Variants in ADAMTS19 observed in about 807,000 individuals in gnomAD.
ADAMTS19 encodes the protein ADAM metallopeptidase with thrombospondin type 1 motif 19.
In ADAMTS19, 93 loss-of-function variants were observed where a neutral mutation model predicts 153.3. The observed-to-expected ratio is 0.61, with a 90% CI of 0.51 to 0.72. The LOEUF is 0.72. ADAMTS19 is among the 30% of genes least tolerant of loss of function. The pLI is 0.00. For missense variants in ADAMTS19, 1,482 were observed against 1,552.1 expected (o/e 0.95, Z 0.76); for synonymous variants, 600 against 556.6 (o/e 1.08, Z -1.10).
At chr5:129,652,107 C>T (rs1242734456) in intron 13 of ADAMTS19, among the ~76,000 whole-genome samples, 1 of 152,152 alleles carries the variant, frequency 6.6e-6, no homozygotes, top group Admixed American at 6.5e-5. Flanking sequence ...GAACTTCTGA[C>T]TCTTACAAAG....
At chr5:129,491,468 G>C (rs939552016) in intron 2 of ADAMTS19, among the ~76,000 whole-genome samples, 2 of 152,052 alleles carry the variant, frequency 1.3e-5, no homozygotes, top group Non-Finnish European at 2.9e-5. Flanking sequence ...TATTGGTCAG[G>C]TTGACCATCT....
chr5:129,691,390 A>T (rs1271241954), intron 18 of ADAMTS19, among the ~76,000 whole-genome samples: 1 of 152,208 alleles, frequency 6.6e-6, no homozygotes, highest in Non-Finnish European at 1.5e-5. Context: ...GTCATAATTC[A>T]GGCAGAAGGT....
At chr5:129,566,824 T>C (rs1456940123) in intron 7 of ADAMTS19, among the ~76,000 whole-genome samples, 2 of 152,116 alleles carry the variant, frequency 1.3e-5, no homozygotes. Context: ...TGGATAAATC[T>C]TCCTCTCTGA....
At chr5:129,516,557 C>A (rs947467306) in intron 3 of ADAMTS19, among the ~76,000 whole-genome samples, 4 of 151,740 alleles carry the variant, frequency 2.6e-5, no homozygotes, top group Admixed American at 6.6e-5. Flanking sequence ...TTGTCCATTT[C>A]TTCTACATTT....
chr5:129,715,159 G>T (rs1756668796), intron 21 of ADAMTS19, among the ~76,000 whole-genome samples: 1 of 152,038 alleles, frequency 6.6e-6, no homozygotes, highest in Admixed American at 6.5e-5. Flanking sequence ...TACATTGAGG[G>T]AAATGAATTT....
At chr5:129,464,370 T>C (rs1249289591) in intron 2 of ADAMTS19, among the ~76,000 whole-genome samples, 2 of 152,182 alleles carry the variant, frequency 1.3e-5, no homozygotes, top group African/African-American at 4.8e-5. Context: ...TGGTGAATCA[T>C]TTATAAATGC....
At chr5:129,592,550 C>G (rs1306153910) in intron 7 of ADAMTS19, among the ~76,000 whole-genome samples, 3 of 152,052 alleles carry the variant, frequency 2.0e-5, no homozygotes, top group Non-Finnish European at 4.4e-5. Context: ...AAATCATTTA[C>G]ATTAGTCGTG....
intron 10 of ADAMTS19, among the ~76,000 whole-genome samples, chr5:129,639,944 A>G (rs1263381822): frequency 6.6e-6 from 1 of 152,152 alleles, no homozygotes; most frequent in African/African-American, 2.4e-5. Flanking sequence ...AAAACAATTG[A>G]ACTCTTTGCC....
intron 20 of ADAMTS19, 93 bp downstream of exon 20, chr5:129,701,685 T>C (rs976470359): frequency 2.2e-6 from 3 of 1,352,752 alleles, no homozygotes; most frequent in Non-Finnish European, 3.0e-6. Context: ...TGCATTGAAG[T>C]TGATATTTTT....
intron 6 of ADAMTS19, among the ~76,000 whole-genome samples, chr5:129,535,999 T>G (rs1318070906): frequency 6.6e-6 from 1 of 152,160 alleles, no homozygotes; most frequent in East Asian, 1.9e-4. Context: ...GACACAGGCA[T>G]GGGCAAGGAC....
intron 8 of ADAMTS19, among the ~76,000 whole-genome samples, chr5:129,609,911 G>A (rs1233288966): frequency 4.6e-5 from 7 of 152,240 alleles, no homozygotes; most frequent in African/African-American, 1.7e-4. Context: ...GTTTCTCTGT[G>A]TTGGCAAGAG....
At chr5:129,576,163 A>C (rs1754093999) in intron 7 of ADAMTS19, among the ~76,000 whole-genome samples, 1 of 152,014 alleles carries the variant, frequency 6.6e-6, no homozygotes, top group African/African-American at 2.4e-5. Flanking sequence ...TTACTATGAC[A>C]TCCTTCTCAT....
chr5:129,590,931 C>T (rs1750103344), intron 7 of ADAMTS19, among the ~76,000 whole-genome samples: 1 of 152,202 alleles, frequency 6.6e-6, no homozygotes, highest in Non-Finnish European at 1.5e-5. Context: ...GACAATTTCA[C>T]CTGTGCAGTT....
Position 129,622,372 on chromosome 5 carries a change from G to C in ADAMTS19, c.1770+24G>C, listed in dbSNP as rs367681328. On this transcript the variant is annotated intron_variant, in intron 10 of 22. Transcript: ENST00000274487. ...AGGTAAAGATCCAGGTGGGGATTTT[G>C]TGCGTTCATTCATTGTTTAGAAGTA... 1.9e-6 allele frequency: 3 copies of C among 1,613,306 alleles called. No homozygotes were observed. The African/African-American group carries it at 4.0e-5, about 22-fold the overall frequency.
intron 3 of ADAMTS19, among the ~76,000 whole-genome samples, chr5:129,512,888 G>A (rs1751485832): frequency 6.6e-6 from 1 of 151,800 alleles, no homozygotes; most frequent in Non-Finnish European, 1.5e-5. Context: ...CTGAATACAG[G>A]CATTTCTCAG....
At chr5:129,481,775 C>T (rs951650127) in intron 2 of ADAMTS19, among the ~76,000 whole-genome samples, 4 of 152,120 alleles carry the variant, frequency 2.6e-5, no homozygotes, top group African/African-American at 9.7e-5. Flanking sequence ...CCAAAGGTGA[C>T]TTCAGATAGC....
Position 129,580,792 on chromosome 5 carries a change from C to T in ADAMTS19, c.1373-15767C>T, listed in dbSNP as rs956188647. Among the ~76,000 whole-genome samples, 95 of 152,226 alleles carry T rather than the reference C, an allele frequency of 6.2e-4. 1 individual carries two copies. The South Asian group carries it at 0.018, about 30-fold the overall frequency. On this transcript the variant is annotated intron_variant, in intron 7 of 22. Coordinates refer to ENST00000274487, the MANE Select transcript of ADAMTS19 (RefSeq NM_133638.6). ...ATCCCAGGGGTGAAGCTGACTTGAT[C>T]GTGGTGGGTAAGCTTTTTGATGTGC...
Position 129,461,094 on chromosome 5 carries a change from G to T in ADAMTS19, c.92-8G>T, listed in dbSNP as rs1373712339. On this transcript the variant is annotated splice_polypyrimidine_tract_variant and splice_region_variant and intron_variant, in intron 1 of 22. Coordinates refer to ENST00000274487, the MANE Select transcript of ADAMTS19 (RefSeq NM_133638.6). The surrounding 1 kb of genome is among the most constrained non-coding windows in gnomAD (Gnocchi z 4.6). Reference sequence around the variant, plus strand: ...TAAGCCCCGCACTTCTGTCTGCCCCGCCCGCAGAGCTGCAGTTCGCCCCCG... The same window carrying T: ...TAAGCCCCGCACTTCTGTCTGCCCCTCCCGCAGAGCTGCAGTTCGCCCCCG... 1.1e-5 allele frequency: 15 copies of T among 1,387,818 alleles called. No individual in the cohort carries two copies. Among genetic ancestry groups the T allele is most frequent in the Non-Finnish European group, 1.3e-5 (14 of 1,072,500 alleles). 86.0% of individuals were successfully genotyped at this position (1,387,818 alleles called of 1,614,324 possible). A position where few individuals can be genotyped will look rare whatever the true frequency, so the allele number is the denominator to read the frequency against.
At chr5:129,602,977 T>C (rs1750733348) in intron 8 of ADAMTS19, among the ~76,000 whole-genome samples, 1 of 151,946 alleles carries the variant, frequency 6.6e-6, no homozygotes. Flanking sequence ...TACTCAAGTG[T>C]GGTCTGTGAT....
Sources: allele counts gnomAD v4.1 joint callset (sites outside exome capture counted in the v4.1 genomes callset), GRCh38; gene constraint gnomAD v4.1.1; non-coding constraint Gnocchi (gnomAD v3.1); transcripts MANE v1.5; gene names NCBI Gene and HGNC (gene_info 2026-07-23, HGNC 2026-07-21).